Variants in PTPRN2 observed in about 807,000 individuals in gnomAD.
PTPRN2 encodes the protein receptor-type tyrosine-protein phosphatase N2.
PTPRN2 carries 74 observed loss-of-function variants against 118.8 expected under a neutral mutation model. The ratio of observed to expected loss-of-function variants is 0.62; its 90% confidence interval spans 0.52 to 0.76. PTPRN2 has a LOEUF of 0.76. Ranked by LOEUF, PTPRN2 falls within the 30% of genes least tolerant of loss-of-function variation. PTPRN2 has a pLI of 0.00. For synonymous variants in PTPRN2, 641 were observed against 608.0 expected, an observed-to-expected ratio of 1.05 and a Z score of -0.80; for missense variants, 1,481 against 1,394.4, an observed-to-expected ratio of 1.06 and a Z score of -0.99.
At chr7:157,599,013 CTT>C (rs535002797) in intron 16 of PTPRN2, among the ~76,000 whole-genome samples, 11 of 145,518 alleles carry the variant, frequency 7.6e-5, no homozygotes, top group Admixed American at 1.4e-4. Context: ...TCTGTTTTTA[CTT>C]TTTTTTTTTT....
intron 9 of PTPRN2, among the ~76,000 whole-genome samples, chr7:158,125,045 G>A (rs1000392783): frequency 8.5e-5 from 13 of 152,212 alleles, no homozygotes; most frequent in African/African-American, 2.9e-4. Flanking sequence ...AGCCATAGGA[G>A]GGGAGACAGC....
intron 2 of PTPRN2, among the ~76,000 whole-genome samples, chr7:158,448,298 C>A (rs1233055078): frequency 6.6e-6 from 1 of 152,178 alleles, no homozygotes; most frequent in Admixed American, 6.5e-5. Flanking sequence ...ATTTATTATA[C>A]ATTTTCTAAA....
chr7:157,970,662 C>T (rs947001221), intron 11 of PTPRN2, among the ~76,000 whole-genome samples: 75 of 151,818 alleles, frequency 4.9e-4, no homozygotes, highest in African/African-American at 1.8e-3. Context: ...GTTGCCCACC[C>T]CAGGGCAAGA....
At chr7:157,727,469 G>A (rs574913605) in intron 12 of PTPRN2, among the ~76,000 whole-genome samples, 1 of 152,150 alleles carries the variant, frequency 6.6e-6, no homozygotes, top group African/African-American at 2.4e-5. Context: ...TTCCACTTGT[G>A]TGAGGTCCCT....
At chr7:157,814,307 G>A (rs1806247328) in intron 12 of PTPRN2, among the ~76,000 whole-genome samples, 1 of 152,186 alleles carries the variant, frequency 6.6e-6, no homozygotes. Context: ...GGTGTCCACA[G>A]AGAGCTCCCC....
chr7:158,163,742 A>G (rs1822595640), intron 6 of PTPRN2, among the ~76,000 whole-genome samples: 1 of 145,526 alleles, frequency 6.9e-6, no homozygotes, highest in African/African-American at 2.6e-5. Flanking sequence ...CGGGTTCTCA[A>G]TTCTATTTCA....
At chr7:157,786,909 A>G (rs1804075016) in intron 12 of PTPRN2, among the ~76,000 whole-genome samples, 1 of 152,192 alleles carries the variant, frequency 6.6e-6, no homozygotes, top group Admixed American at 6.5e-5. Flanking sequence ...GCTCTGGCAC[A>G]TCCCACAGTG....
chr7:157,748,829 A>G (rs1207235027), intron 12 of PTPRN2, among the ~76,000 whole-genome samples: 2 of 30,496 alleles, frequency 6.6e-5, no homozygotes, highest in African/African-American at 1.9e-4. Context: ...TGGGCTGTTG[A>G]GGTGATTCTG....
chr7:158,018,116 A>T (rs1391551904), intron 11 of PTPRN2, among the ~76,000 whole-genome samples: 1 of 152,172 alleles, frequency 6.6e-6, no homozygotes, highest in Non-Finnish European at 1.5e-5. Context: ...TGTGTTGCGG[A>T]CTTCTAAATG....
intron 2 of PTPRN2, among the ~76,000 whole-genome samples, chr7:158,447,698 A>G (rs1004598548): frequency 4.6e-5 from 7 of 152,226 alleles, no homozygotes; most frequent in African/African-American, 1.7e-4. Flanking sequence ...GGCCTGGGCC[A>G]GTGGTGGGCT....
At chr7:157,592,690 G>A (rs901614939) in intron 17 of PTPRN2, among the ~76,000 whole-genome samples, 24 of 150,982 alleles carry the variant, frequency 1.6e-4, no homozygotes, top group African/African-American at 5.6e-4. Context: ...GGGTGGATGT[G>A]GGCATCATCG....
At chr7:158,005,025 A>G (rs530263037) in intron 11 of PTPRN2, among the ~76,000 whole-genome samples, 1 of 152,080 alleles carries the variant, frequency 6.6e-6, no homozygotes, top group Non-Finnish European at 1.5e-5. Flanking sequence ...GGCTTGAGAA[A>G]ATCGGCCTGG....
intron 3 of PTPRN2, among the ~76,000 whole-genome samples, chr7:158,206,499 G>A (rs934203391): frequency 1.3e-5 from 2 of 152,114 alleles, no homozygotes; most frequent in Non-Finnish European, 2.9e-5. Flanking sequence ...ATCTGGTACA[G>A]TCCTAGTGGT....
intron 6 of PTPRN2, among the ~76,000 whole-genome samples, chr7:158,156,468 G>A (rs1413779144): frequency 6.6e-6 from 1 of 152,228 alleles, no homozygotes; most frequent in African/African-American, 2.4e-5. Flanking sequence ...ACAGATGTCA[G>A]AGGGTTGGGA....
chr7:158,174,333 CCAT>C (rs559608808), intron 5 of PTPRN2, among the ~76,000 whole-genome samples: 28 of 151,936 alleles, frequency 1.8e-4, no homozygotes, highest in Admixed American at 1.5e-3. Flanking sequence ...ATCCCCACCA[CCAT>C]CATCTTCACC....
At chr7:158,300,702 C>T (rs1190350935) in intron 3 of PTPRN2, among the ~76,000 whole-genome samples, 1 of 152,202 alleles carries the variant, frequency 6.6e-6, no homozygotes, top group African/African-American at 2.4e-5. Flanking sequence ...ACACAAACGA[C>T]CAAGGGTCCC....
chr7:157,786,142 G>A (rs1182124321), intron 12 of PTPRN2, among the ~76,000 whole-genome samples: 3 of 152,174 alleles, frequency 2.0e-5, no homozygotes, highest in South Asian at 2.1e-4. Context: ...CCAGGCCCTC[G>A]GGCCAGCCCT....
chr7:158,513,655 T>C (rs1377808274), intron 1 of PTPRN2, among the ~76,000 whole-genome samples: 2 of 152,228 alleles, frequency 1.3e-5, no homozygotes, highest in Admixed American at 1.3e-4. Context: ...TGGTAGAATA[T>C]ATGAAGCCAT....
chr7:158,416,619 T>A (rs1213345254), intron 2 of PTPRN2, among the ~76,000 whole-genome samples: 1 of 151,936 alleles, frequency 6.6e-6, no homozygotes, highest in Non-Finnish European at 1.5e-5. Context: ...CAAACAAAGA[T>A]ATAAGTGCAC....
Sources: gnomAD v4.1 joint callset for allele counts (sites outside exome capture counted in the v4.1 genomes callset) on GRCh38, gnomAD v4.1.1 for gene constraint, MANE v1.5 for transcripts, NCBI Gene and HGNC (gene_info 2026-07-23, HGNC 2026-07-21) for gene names.